The following JMJD1C variants were observed in gnomAD, a reference collection of about 807,000 sequenced individuals.
JMJD1C encodes the protein jumonji domain-containing protein 1C.
In JMJD1C, 31 loss-of-function variants were observed where a neutral mutation model predicts 245.3. The ratio of observed to expected loss-of-function variants is 0.13; its 90% CI spans 0.09 to 0.17. The LOEUF is 0.17. Ranked by LOEUF, JMJD1C falls within the 10% of genes least tolerant of loss-of-function variation. The pLI, the probability that JMJD1C is intolerant of heterozygous loss-of-function variation, is 1.00. For missense variants in JMJD1C, 2,691 were observed against 3,000.2 expected, an observed-to-expected ratio of 0.90 and a Z score of 2.41; for synonymous variants, 1,057 against 1,017.4, an observed-to-expected ratio of 1.04 and a Z score of -0.74.
intron 2 of JMJD1C, among the ~76,000 whole-genome samples, chr10:63,272,001 A>C (rs1448827680): frequency 2.7e-5 from 4 of 148,950 alleles, no homozygotes; most frequent in Admixed American, 2.0e-4. Flanking sequence ...TGAACCTGGG[A>C]GATGGAGGCT....
At chr10:63,442,332 T>G (rs1305136056) in intron 1 of JMJD1C, among the ~76,000 whole-genome samples, 3 of 152,124 alleles carry the variant, frequency 2.0e-5, no homozygotes, top group African/African-American at 7.2e-5. Context: ...TACAATGCAG[T>G]TTAAAGTATA....
intron 1 of JMJD1C, among the ~76,000 whole-genome samples, chr10:63,433,240 G>A (rs372560636): frequency 1.3e-4 from 20 of 151,850 alleles, no homozygotes; most frequent in East Asian, 1.2e-3. Flanking sequence ...GGGATTACAG[G>A]AAAGCGCTAC....
chr10:63,511,576 G>C (rs903374463), intron 1 of JMJD1C, among the ~76,000 whole-genome samples: 10 of 152,134 alleles, frequency 6.6e-5, no homozygotes, highest in Admixed American at 1.3e-4. Flanking sequence ...CGGGCGCAGT[G>C]GCAGGCGCCT....
At chr10:63,271,734 G>A (rs1359063777) in intron 2 of JMJD1C, among the ~76,000 whole-genome samples, 1 of 152,010 alleles carries the variant, frequency 6.6e-6, no homozygotes, top group Admixed American at 6.6e-5. Context: ...TATTCATACT[G>A]ATGTTTTTTA....
intron 2 of JMJD1C, chr10:63,301,647 C>G: frequency 8.4e-6 from 3 of 359,090 alleles, no homozygotes; most frequent in Non-Finnish European, 1.7e-5. Context: ...CATCACAGAC[C>G]AGGGCCTGTC....
chr10:63,364,999 C>G (rs1945716965), intron 2 of JMJD1C, among the ~76,000 whole-genome samples: 1 of 152,194 alleles, frequency 6.6e-6, no homozygotes, highest in African/African-American at 2.4e-5. Flanking sequence ...TATTGTAACA[C>G]AAGACCCTTT....
intron 2 of JMJD1C, among the ~76,000 whole-genome samples, chr10:63,372,497 T>C (rs1946392562): frequency 6.6e-6 from 1 of 152,214 alleles, no homozygotes; most frequent in Non-Finnish European, 1.5e-5. Flanking sequence ...TATTATATAT[T>C]GACATGTTTA....
chr10:63,269,577 C>A (rs192778318), intron 2 of JMJD1C, among the ~76,000 whole-genome samples: 1 of 151,806 alleles, frequency 6.6e-6, no homozygotes, highest in Non-Finnish European at 1.5e-5. Context: ...TTTTTGGGCA[C>A]GATTTATTTA....
intron 2 of JMJD1C, among the ~76,000 whole-genome samples, chr10:63,342,747 C>A (rs1000105409): frequency 6.6e-6 from 1 of 152,112 alleles, no homozygotes; most frequent in African/African-American, 2.4e-5. Context: ...GATTACTTAT[C>A]AATAGCATAT....
intron 3 of JMJD1C, among the ~76,000 whole-genome samples, chr10:63,232,216 T>G (rs1000243928): frequency 2.6e-5 from 4 of 152,120 alleles, no homozygotes; most frequent in African/African-American, 9.7e-5. Context: ...AATCATCTTC[T>G]CAATATATTA....
chr10:63,423,395 T>C (rs562172921), intron 1 of JMJD1C, among the ~76,000 whole-genome samples: 22 of 152,326 alleles, frequency 1.4e-4, no homozygotes, highest in African/African-American at 5.3e-4. Flanking sequence ...TAGATTTAAG[T>C]GGAATAATAT....
At chr10:63,493,141 T>C (rs189913701) in intron 1 of JMJD1C, among the ~76,000 whole-genome samples, 82 of 151,828 alleles carry the variant, frequency 5.4e-4, no homozygotes, top group African/African-American at 1.9e-3. Context: ...GTATGGAGAC[T>C]TAACAAAATA....
chr10:63,321,166 T>C (rs1030880588), intron 2 of JMJD1C, among the ~76,000 whole-genome samples: 3 of 152,358 alleles, frequency 2.0e-5, no homozygotes, highest in Admixed American at 1.3e-4. Flanking sequence ...TCCCATCCCA[T>C]GTATCTTCAT....
At chr10:63,245,544 G>A (rs1047398406) in intron 3 of JMJD1C, among the ~76,000 whole-genome samples, 1 of 142,370 alleles carries the variant, frequency 7.0e-6, no homozygotes, top group African/African-American at 2.6e-5. Context: ...CTGCAGTGGC[G>A]GGATCTCAGC....
rs1228913636 is a variant in JMJD1C at position 63,215,005 on chromosome 10, T to C, written c.1162A>G (p.Ile388Val). 7.5e-6 allele frequency: 12 copies of C among 1,601,926 alleles called. No individual in the cohort carries two copies. The highest frequency in any genetic ancestry group is 1.0e-5 in the Non-Finnish European group (12 of 1,172,892). The part of the protein sequence containing the change: ...SSDSENSNKR[I>V]IDNSSEQKPE... Reference sequence around the variant, plus strand: ...TTCTGTTCTGAGGAATTATCTATTATTCTCTTATTTGAATTTTCTGAGTCA... The same window carrying C: ...TTCTGTTCTGAGGAATTATCTATTACTCTCTTATTTGAATTTTCTGAGTCA... The change falls in exon 8 of 26, where the codon ATA becomes GTA. Residue 388 changes from isoleucine (I) to valine (V), a missense_variant. Physicochemically the swap from Ile to Val is conservative, Grantham distance 29 (BLOSUM62 3). Around this residue, in one of 9 missense-constraint regions of JMJD1C, gnomAD observed 1,562 missense variants for 1,490.7 expected, o/e 1.05. Coordinates refer to ENST00000399262, the MANE Select transcript of JMJD1C (RefSeq NM_032776.3).
At chr10:63,517,156 C>T (rs1955043810) in intron 1 of JMJD1C, among the ~76,000 whole-genome samples, 1 of 152,196 alleles carries the variant, frequency 6.6e-6, no homozygotes, top group African/African-American at 2.4e-5. Flanking sequence ...AGTATTCAGT[C>T]TCATTAGCAT....
chr10:63,511,567 G>A (rs112252722), intron 1 of JMJD1C, among the ~76,000 whole-genome samples: 17,606 of 152,096 alleles, frequency 0.12, 1,403 homozygotes, highest in Non-Finnish European at 0.18. Flanking sequence ...AAAATTAGCC[G>A]GGCGCAGTGG....
At chr10:63,410,490 A>G (rs1949417133) in intron 1 of JMJD1C, among the ~76,000 whole-genome samples, 1 of 152,176 alleles carries the variant, frequency 6.6e-6, no homozygotes, top group South Asian at 2.1e-4. Flanking sequence ...GACCACTGCT[A>G]ATACCAAGCT....
In JMJD1C at chr10:63,380,310, G is replaced by T. The variant is rs764787095; in HGVS notation, c.333+8C>A. ...GAAAATGCTTAATGAAACAGGAATA[G>T]ATCTTACCAATGCAGGCCACTGAAT... On this transcript the variant is annotated splice_region_variant and intron_variant, in intron 2 of 25. Transcript: ENST00000399262. 1 of 1,612,880 alleles carries T rather than the reference G, an allele frequency of 6.2e-7. No homozygotes were observed. The highest frequency in any genetic ancestry group is 8.5e-7 in the Non-Finnish European group (1 of 1,178,996).
Sources: gnomAD v4.1 joint callset for allele counts (sites outside exome capture counted in the v4.1 genomes callset) on GRCh38, gnomAD v4.1.1 for gene constraint, gnomAD v4.1.1 regional missense constraint, MANE v1.5 for transcripts, NCBI Gene and HGNC (gene_info 2026-07-23, HGNC 2026-07-21) for gene names.